The following SCHIP1 variants were observed in gnomAD, a reference collection of about 807,000 sequenced individuals.
The protein encoded by SCHIP1 is schwannomin interacting protein 1, also known as schwannomin-interacting protein 1.
In SCHIP1, 8 loss-of-function variants were observed where a neutral mutation model predicts 29.7. That is an observed-to-expected ratio of 0.27 (90% CI 0.16 to 0.49). The LOEUF is 0.49. SCHIP1 is among the 20% of genes least tolerant of loss of function. The probability of loss-of-function intolerance (pLI) is 0.99; values close to 1 mark genes in which losing one functional copy is unlikely to be tolerated. For synonymous variants in SCHIP1, 76 were observed against 94.9 expected (o/e 0.80, Z 1.16); for missense variants, 193 against 294.6 (o/e 0.66, Z 2.52).
At chr3:159,542,203 TGTC>T in the SCHIP1 span, among the ~76,000 whole-genome samples, 4 of 152,024 alleles carry the variant, frequency 2.6e-5, no homozygotes, top group African/African-American at 7.2e-5. Context: ...TATTTCACAG[TGTC>T]GTTATTTTTA....
the SCHIP1 span, among the ~76,000 whole-genome samples, chr3:159,574,602 C>T: frequency 1.2e-4 from 19 of 152,256 alleles, 1 homozygote; most frequent in Admixed American, 9.8e-4. Flanking sequence ...TGTCCATTCT[C>T]AGAGCTCAAA....
the SCHIP1 span, among the ~76,000 whole-genome samples, chr3:159,750,286 T>C: frequency 8.9e-3 from 981 of 110,266 alleles, 19 homozygotes; most frequent in African/African-American, 0.031. Flanking sequence ...TATATATATA[T>C]ATATATATAT....
chr3:159,735,213 A>G, the SCHIP1 span, among the ~76,000 whole-genome samples: 1 of 151,784 alleles, frequency 6.6e-6, no homozygotes, highest in Non-Finnish European at 1.5e-5. Context: ...CAAGTATTTC[A>G]AAAATAACCA....
the SCHIP1 span, among the ~76,000 whole-genome samples, chr3:159,568,714 G>GCA: frequency 4.5e-4 from 69 of 152,212 alleles, no homozygotes; most frequent in Middle Eastern, 3.4e-3. Context: ...GCATGCATGT[G>GCA]TATGTGTGTC....
the SCHIP1 span, among the ~76,000 whole-genome samples, chr3:159,519,209 A>T: frequency 6.6e-6 from 1 of 152,172 alleles, no homozygotes; most frequent in Non-Finnish European, 1.5e-5. Flanking sequence ...TGAAGTAGCC[A>T]AGTTAGTCCC....
the SCHIP1 span, among the ~76,000 whole-genome samples, chr3:159,736,379 T>C: frequency 1.3e-5 from 2 of 152,210 alleles, no homozygotes; most frequent in African/African-American, 4.8e-5. Context: ...TTTCTGTGTC[T>C]GGTACACTGG....
At chr3:159,685,840 C>T in the SCHIP1 span, among the ~76,000 whole-genome samples, 99 of 152,232 alleles carry the variant, frequency 6.5e-4, 1 homozygote, top group South Asian at 4.6e-3. Context: ...ACTAAAAATA[C>T]TGAATAAAAT....
the SCHIP1 span, among the ~76,000 whole-genome samples, chr3:159,501,248 C>T: frequency 6.6e-6 from 1 of 152,064 alleles, no homozygotes; most frequent in Non-Finnish European, 1.5e-5. Flanking sequence ...CTTATTGGTC[C>T]CCAGTTGAGG....
the SCHIP1 span, among the ~76,000 whole-genome samples, chr3:159,597,004 C>T: frequency 6.6e-6 from 1 of 151,258 alleles, no homozygotes; most frequent in Non-Finnish European, 1.5e-5. Flanking sequence ...AAGAAATGAG[C>T]CCTAGGCTTG....
chr3:159,491,876 C>T, the SCHIP1 span, among the ~76,000 whole-genome samples: 8 of 152,332 alleles, frequency 5.3e-5, no homozygotes, highest in African/African-American at 1.4e-4. Flanking sequence ...ACACCTCACA[C>T]GGCCAGGTAC....
At chr3:159,793,215 T>G in the SCHIP1 span, among the ~76,000 whole-genome samples, 2 of 152,174 alleles carry the variant, frequency 1.3e-5, no homozygotes, top group African/African-American at 4.8e-5. Context: ...ACCCTAGCAT[T>G]AGTGTGTGTA....
chr3:159,422,120 C>G, the SCHIP1 span, among the ~76,000 whole-genome samples: 61,134 of 152,032 alleles, frequency 0.4, 13,029 homozygotes, highest in Non-Finnish European at 0.48. Context: ...GGAAAACATT[C>G]TGTAGATATT....
the SCHIP1 span, among the ~76,000 whole-genome samples, chr3:159,673,229 C>A: frequency 3.3e-5 from 5 of 152,124 alleles, no homozygotes; most frequent in African/African-American, 4.8e-5. Flanking sequence ...AAGCTAATAC[C>A]TTCACAGAAA....
At chr3:159,586,325 G>C in the SCHIP1 span, among the ~76,000 whole-genome samples, 1 of 152,134 alleles carries the variant, frequency 6.6e-6, no homozygotes, top group Admixed American at 6.5e-5. Context: ...GAAGCTGGAA[G>C]GATGAACCAG....
At chr3:159,396,040 C>G in the SCHIP1 span, among the ~76,000 whole-genome samples, 4 of 150,734 alleles carry the variant, frequency 2.7e-5, no homozygotes, top group Admixed American at 6.6e-5. Flanking sequence ...ATAGTTAGCT[C>G]TTCTTGTTGA....
the SCHIP1 span, among the ~76,000 whole-genome samples, chr3:159,385,291 C>T: frequency 1.3e-5 from 2 of 152,188 alleles, no homozygotes; most frequent in Admixed American, 6.5e-5. Flanking sequence ...CACATGATGG[C>T]TTATGCCTGT....
chr3:159,451,276 AC>A, the SCHIP1 span, among the ~76,000 whole-genome samples: 2 of 152,276 alleles, frequency 1.3e-5, no homozygotes, highest in South Asian at 2.1e-4. Context: ...TGTTTACACA[AC>A]CCTCTTAACT....
the SCHIP1 span, among the ~76,000 whole-genome samples, chr3:159,286,182 G>A: frequency 7.9e-5 from 12 of 152,154 alleles, 1 homozygote; most frequent in South Asian, 2.1e-4. Flanking sequence ...GGTAATAAGC[G>A]TAGTACCTGA....
the SCHIP1 span, among the ~76,000 whole-genome samples, chr3:159,475,354 A>G: frequency 1.3e-5 from 2 of 152,216 alleles, no homozygotes; most frequent in African/African-American, 2.4e-5. Context: ...TTCAGTTTAT[A>G]TGAGACGTCT....
Sources: gnomAD v4.1 joint callset for allele counts (sites outside exome capture counted in the v4.1 genomes callset) on GRCh38, gnomAD v4.1.1 for gene constraint, MANE v1.5 for transcripts, NCBI Gene and HGNC (gene_info 2026-07-23, HGNC 2026-07-21) for gene names.